The following CLEC16A variants were observed in gnomAD, a reference collection of about 807,000 sequenced individuals.
CLEC16A encodes the protein C-type lectin domain containing 16A.
CLEC16A carries 51 observed loss-of-function variants against 109.5 expected under a neutral mutation model. That is an observed-to-expected ratio of 0.47 (90% CI 0.37 to 0.59). The LOEUF is 0.59. Ranked by LOEUF, CLEC16A falls within the 20% of genes least tolerant of loss-of-function variation. CLEC16A has a pLI of 0.00. For synonymous variants in CLEC16A, 673 were observed against 564.2 expected, an observed-to-expected ratio of 1.19 and a Z score of -2.73; for missense variants, 1,339 against 1,394.0, an observed-to-expected ratio of 0.96 and a Z score of 0.63.
intron 18 of CLEC16A, among the ~76,000 whole-genome samples, chr16:11,058,749 T>C (rs980069211): frequency 1.3e-5 from 2 of 152,294 alleles, no homozygotes; most frequent in South Asian, 4.1e-4. Context: ...TTTTTCAGAG[T>C]GGTGGGCTGC....
chr16:11,110,093 A>T (rs2152999850), intron 19 of CLEC16A, among the ~76,000 whole-genome samples: 1 of 152,322 alleles, frequency 6.6e-6, no homozygotes, highest in Admixed American at 6.5e-5. Context: ...AGCCTGTCAG[A>T]GGGGGCTGTA....
chr16:10,975,143 G>A (rs942042651), intron 7 of CLEC16A, among the ~76,000 whole-genome samples: 4 of 152,072 alleles, frequency 2.6e-5, no homozygotes, highest in Non-Finnish European at 5.9e-5. Flanking sequence ...AGGAGTTGAA[G>A]ACCAGCCTGG....
chr16:11,113,670 A>C (rs2051758625), intron 19 of CLEC16A, among the ~76,000 whole-genome samples: 2 of 152,304 alleles, frequency 1.3e-5, no homozygotes, highest in South Asian at 4.1e-4. Flanking sequence ...AAGAAAAAAA[A>C]CAGAAAGAAA....
rs774089259 is a variant in CLEC16A at position 10,990,911 on chromosome 16, A to AT, written c.1071+7921dup. Among the ~76,000 whole-genome samples the AT allele has an allele frequency of 3.3e-5, 5 of 152,058 alleles. No individual in the cohort carries two copies. The South Asian group carries it at 6.2e-4, about 19-fold the overall frequency. On this transcript the variant is annotated intron_variant, in intron 10 of 23. Coordinates refer to ENST00000409790, the MANE Select transcript of CLEC16A (RefSeq NM_015226.3). ...TTCATGAGTGGGCCAGCCTCTTCGG[A>AT]TATTTGTGATTTTTAACCTGATTTT...
At chr16:11,131,831 C>T (rs879562714) in intron 22 of CLEC16A, among the ~76,000 whole-genome samples, 10 of 152,330 alleles carry the variant, frequency 6.6e-5, no homozygotes, top group Middle Eastern at 3.4e-3. Context: ...TCTCTCCCCT[C>T]GGCTCTCTGC....
intron 22 of CLEC16A, among the ~76,000 whole-genome samples, chr16:11,127,096 CTACTTTGCTT>C (rs1446450103): frequency 6.6e-6 from 1 of 152,144 alleles, no homozygotes; most frequent in African/African-American, 2.4e-5. Context: ...AAAAATAAGT[CTACTTTGCTT>C]CAGAAGTAAC....
chr16:11,098,182 G>A (rs141859976), intron 19 of CLEC16A, among the ~76,000 whole-genome samples: 1 of 152,220 alleles, frequency 6.6e-6, no homozygotes, highest in African/African-American at 2.4e-5. Flanking sequence ...TCTGCAGCAC[G>A]CACTAGCATG....
intron 19 of CLEC16A, among the ~76,000 whole-genome samples, chr16:11,094,930 C>T (rs987045598): frequency 3.3e-5 from 5 of 152,166 alleles, no homozygotes; most frequent in Admixed American, 2.0e-4. Context: ...GGATGATCCC[C>T]GATAAAGCAC....
chr16:10,959,357 A>G (rs1318503903), intron 2 of CLEC16A, among the ~76,000 whole-genome samples: 2 of 152,164 alleles, frequency 1.3e-5, no homozygotes, highest in African/African-American at 4.8e-5. Context: ...GTGTTTATAT[A>G]CAGACCTAGT....
chr16:11,083,478 G>A (rs959929891), intron 19 of CLEC16A, among the ~76,000 whole-genome samples: 4 of 152,186 alleles, frequency 2.6e-5, no homozygotes, highest in African/African-American at 9.7e-5. Flanking sequence ...AGCTCATCAT[G>A]TGCCAGGCAC....
rs79707786 is a variant in CLEC16A at position 11,173,624 on chromosome 16, C to T, written c.2807-4711C>T. Among the ~76,000 whole-genome samples, 456 of 152,216 alleles carry T rather than the reference C, an allele frequency of 3.0e-3. 4 individuals are homozygous for T. Among genetic ancestry groups the T allele is most frequent in the Admixed American group, 4.4e-3 (67 of 15,288 alleles). ...CTCGGAGCTGTGCTGTTGGCGTCAG[C>T]GTGTGACACCAAGAACCTCCTCACT... On this transcript the variant is annotated intron_variant, in intron 23 of 23. Transcript: ENST00000409790.
chr16:10,946,534 G>A lies in CLEC16A; in HGVS notation c.80+1737G>A, dbSNP rs2041383380. On this transcript the variant is annotated intron_variant, in intron 1 of 23. Coordinates refer to ENST00000409790, the MANE Select transcript of CLEC16A (RefSeq NM_015226.3). ...GGTGGGGATCTTAGATGGGAGGGCA[G>A]CTGGCCGGGAAAGGGAGTGGTTGAA... Among the ~76,000 whole-genome samples the A allele has an allele frequency of 2.6e-5, 4 of 152,040 alleles. No homozygotes were observed. In the South Asian group the frequency reaches 8.3e-4, roughly 32 times the overall value.
intron 22 of CLEC16A, among the ~76,000 whole-genome samples, chr16:11,146,507 G>A (rs1208391829): frequency 6.6e-6 from 1 of 151,920 alleles, no homozygotes; most frequent in African/African-American, 2.4e-5. Context: ...TGGATGTAGA[G>A]GGAGGGAGGG....
intron 19 of CLEC16A, among the ~76,000 whole-genome samples, chr16:11,082,560 A>C (rs2049784055): frequency 6.6e-6 from 1 of 152,098 alleles, no homozygotes. Context: ...ATTGGGAATG[A>C]GTGGTGTGTA....
chr16:11,068,823 T>G (rs909550250), intron 19 of CLEC16A, among the ~76,000 whole-genome samples: 2 of 152,326 alleles, frequency 1.3e-5, no homozygotes, highest in Admixed American at 1.3e-4. Flanking sequence ...TTAAAATTTA[T>G]TTATTTTTTG....
At chr16:11,123,056 A>G (rs1464211973) in intron 20 of CLEC16A, among the ~76,000 whole-genome samples, 1 of 151,676 alleles carries the variant, frequency 6.6e-6, no homozygotes, top group Non-Finnish European at 1.5e-5. Flanking sequence ...AGCGCACGCC[A>G]CCATGCTTGG....
intron 19 of CLEC16A, among the ~76,000 whole-genome samples, chr16:11,108,582 A>C (rs911707164): frequency 6.6e-6 from 1 of 152,216 alleles, no homozygotes; most frequent in Non-Finnish European, 1.5e-5. Flanking sequence ...AGGGGACTGG[A>C]ATGCCAGGTT....
intron 22 of CLEC16A, among the ~76,000 whole-genome samples, chr16:11,155,767 C>T (rs1244105285): frequency 2.6e-5 from 4 of 152,186 alleles, no homozygotes; most frequent in African/African-American, 9.7e-5. Context: ...TGAGGTGACC[C>T]AGCTGCAGAA....
chr16:11,068,600 G>A, intron 19 of CLEC16A, among the ~76,000 whole-genome samples: 1 of 152,158 alleles, frequency 6.6e-6, no homozygotes, highest in East Asian at 1.9e-4. Context: ...TCTCCCTGCA[G>A]GCTTCCAGAC....
Sources: gnomAD v4.1 joint callset for allele counts (sites outside exome capture counted in the v4.1 genomes callset) on GRCh38, gnomAD v4.1.1 for gene constraint, MANE v1.5 for transcripts, NCBI Gene and HGNC (gene_info 2026-07-23, HGNC 2026-07-21) for gene names.